Variants in KIAA1671 observed in about 807,000 individuals in gnomAD.
KIAA1671 encodes the protein KIAA1671.
A neutral mutation model predicts 131.2 loss-of-function variants in KIAA1671; 52 were observed. The ratio of observed to expected loss-of-function variants is 0.40; its 90% CI spans 0.32 to 0.50. The LOEUF (loss-of-function observed/expected upper bound fraction) is 0.50. Ranked by LOEUF, KIAA1671 falls within the 20% of genes least tolerant of loss-of-function variation. The pLI is 0.73. For synonymous variants in KIAA1671, 1,003 were observed against 961.6 expected, an observed-to-expected ratio of 1.04 and a Z score of -0.80; for missense variants, 2,360 against 2,364.2, an observed-to-expected ratio of 1.00 and a Z score of 0.04.
chr22:25,146,336 T>TA, intron 6 of KIAA1671, among the ~76,000 whole-genome samples: 1 of 152,330 alleles, frequency 6.6e-6, no homozygotes, highest in South Asian at 2.1e-4. Context: ...CTTTGTAGGA[T>TA]AAGTCGCTCA....
At chr22:25,095,189 G>C (rs1930335863) in intron 6 of KIAA1671, among the ~76,000 whole-genome samples, 1 of 152,180 alleles carries the variant, frequency 6.6e-6, no homozygotes, top group African/African-American at 2.4e-5. Flanking sequence ...CTGTAAAATG[G>C]CAGAGGTACC....
At chr22:25,006,625 T>G (rs1038833693) in intron 1 of KIAA1671, among the ~76,000 whole-genome samples, 18 of 152,200 alleles carry the variant, frequency 1.2e-4, no homozygotes, top group African/African-American at 4.1e-4. Flanking sequence ...CTGTAACAGA[T>G]TCTCACAATT....
rs1206312822 is a variant in KIAA1671 at position 25,039,972 on chromosome 22, C to A, written c.2842C>A (p.Arg948=). The A allele has an allele frequency of 5.2e-6, 8 of 1,550,874 alleles. No individual in the cohort carries two copies. The Admixed American group carries it at 1.2e-4, about 23-fold the overall frequency. The part of the protein sequence containing the change: ...GAMDQRMDRW[R]RRTLPPNVKF... ...CATGGACCAGAGAATGGACAGATGG[C>A]GGCGGCGGACTTTACCCCCCAACGT... The change falls in exon 5 of 13, where the codon CGG becomes AGG. Residue 948 remains arginine (R), a synonymous_variant. Transcript: ENST00000358431.
rs1453742479 is a variant in KIAA1671, at chr22:25,029,512, C to T, written c.1513C>T (p.Arg505Trp). 1.9e-5 allele frequency: 29 copies of T among 1,546,154 alleles called. No homozygotes were observed. Among genetic ancestry groups the T allele is most frequent in the African/African-American group, 1.4e-4 (10 of 73,024 alleles). The change falls in exon 3 of 13, where the codon CGG (arginine) becomes TGG (tryptophan). Residue 505 changes from arginine to tryptophan, a missense_variant. This residue lies in a region of KIAA1671 where 1,185 missense variants were observed against 1,126.2 expected (regional missense o/e 1.05). Coordinates refer to ENST00000358431, the MANE Select transcript of KIAA1671 (RefSeq NM_001145206.2). ...GGTCAGGAGGAGGACGTTCCAGGCTCGGCCGCTGTCGGCGGATTTGACCAA... is the reference window on the plus strand; with the variant it reads ...GGTCAGGAGGAGGACGTTCCAGGCTTGGCCGCTGTCGGCGGATTTGACCAA... ...PEVRRRTFQA[R>W]PLSADLTKLF...
intron 6 of KIAA1671, among the ~76,000 whole-genome samples, chr22:25,097,011 C>T (rs2145889563): frequency 6.6e-6 from 1 of 152,334 alleles, no homozygotes; most frequent in East Asian, 1.9e-4. Context: ...TTCATCCCTT[C>T]TCTTGTTGAC....
chr22:25,021,780 C>T (rs1925680776), intron 1 of KIAA1671, among the ~76,000 whole-genome samples: 1 of 151,944 alleles, frequency 6.6e-6, no homozygotes, highest in Non-Finnish European at 1.5e-5. Context: ...CCAATCCGTT[C>T]CTGGCTCTTT....
At chr22:25,062,181 TG>T (rs1177980153) in intron 6 of KIAA1671, 1 of 152,946 alleles carries the variant, frequency 6.5e-6, no homozygotes, top group Non-Finnish European at 1.5e-5. Context: ...GTCACTGCAC[TG>T]GGCCCATCTC....
At chr22:25,036,248 T>C (rs2079348550) in intron 4 of KIAA1671, among the ~76,000 whole-genome samples, 1 of 151,908 alleles carries the variant, frequency 6.6e-6, no homozygotes, top group Non-Finnish European at 1.5e-5. Flanking sequence ...ACCTGGCTAA[T>C]TTTGTGTTTT....
At chr22:25,175,875 G>A (rs1249665189) in intron 8 of KIAA1671, 1 of 152,254 alleles carries the variant, frequency 6.6e-6, no homozygotes, top group African/African-American at 2.4e-5. Flanking sequence ...TGCGGTTTAT[G>A]TGTGATGCCC....
chr22:25,028,705 C>T lies in KIAA1671; in HGVS notation c.706C>T (p.Pro236Ser). Residue 236 changes from proline to serine, a missense_variant, in exon 3 of 13, where the codon CCT becomes TCT. Physicochemically the swap from Pro to Ser is moderately conservative, Grantham distance 74. Transcript: ENST00000358431. ...DTARPLVEPR[P>S]RLKRRPVSAI... Reference sequence around the variant, plus strand: ...GGCACGCCCCCTTGTGGAGCCCAGGCCTCGCCTGAAGAGAAGGCCCGTGTC... The same window carrying T: ...GGCACGCCCCCTTGTGGAGCCCAGGTCTCGCCTGAAGAGAAGGCCCGTGTC... 6.4e-7 allele frequency: 1 copy of T among 1,551,248 alleles called. No individual in the cohort carries two copies. The highest frequency in any genetic ancestry group is 2.0e-5 in the Admixed American group (1 of 51,014).
intron 6 of KIAA1671, among the ~76,000 whole-genome samples, chr22:25,073,226 C>G (rs1928920949): frequency 6.6e-6 from 1 of 152,048 alleles, no homozygotes; most frequent in African/African-American, 2.4e-5. Context: ...TGCCATCATG[C>G]CCAGCTAATT....
At chr22:25,089,866 C>T (rs1388595438) in intron 6 of KIAA1671, among the ~76,000 whole-genome samples, 10 of 152,026 alleles carry the variant, frequency 6.6e-5, no homozygotes, top group South Asian at 6.3e-4. Flanking sequence ...AATGCCTGGC[C>T]GTGGCCTTTC....
chr22:25,079,937 T>C (rs888768242), intron 6 of KIAA1671, among the ~76,000 whole-genome samples: 3 of 151,910 alleles, frequency 2.0e-5, no homozygotes, highest in African/African-American at 7.3e-5. Context: ...TGGGAGATGA[T>C]GGCCGCTCAG....
intron 6 of KIAA1671, among the ~76,000 whole-genome samples, chr22:25,107,469 CTTTTT>C (rs765558092): frequency 1.5e-5 from 1 of 68,512 alleles, no homozygotes; most frequent in African/African-American, 6.1e-5. Context: ...ATCCATGGCA[CTTTTT>C]TTTTTTTTTT....
At chr22:25,032,909 A>G (rs1216240660) in intron 4 of KIAA1671, among the ~76,000 whole-genome samples, 2 of 152,220 alleles carry the variant, frequency 1.3e-5, no homozygotes, top group African/African-American at 2.4e-5. Flanking sequence ...TGCTGTTTAC[A>G]AATGTTATCA....
intron 6 of KIAA1671, among the ~76,000 whole-genome samples, chr22:25,108,473 A>G (rs1414249464): frequency 1.3e-5 from 2 of 152,148 alleles, no homozygotes; most frequent in Non-Finnish European, 2.9e-5. Context: ...GGAGCTCACT[A>G]TGGGCAATCT....
intron 6 of KIAA1671, among the ~76,000 whole-genome samples, chr22:25,100,972 G>A (rs563725206): frequency 1.3e-5 from 2 of 152,188 alleles, no homozygotes; most frequent in Non-Finnish European, 2.9e-5. Flanking sequence ...GCCAAGTAAA[G>A]CAAACTCACT....
At chr22:24,993,581 AC>A (rs2123850770) in intron 1 of KIAA1671, among the ~76,000 whole-genome samples, 1 of 150,290 alleles carries the variant, frequency 6.7e-6, no homozygotes, top group East Asian at 2.0e-4. Flanking sequence ...TGTTCCCATC[AC>A]CTCCCTTGTC....
At position 25,041,442 on chromosome 22, in the gene KIAA1671, G is replaced by T; in HGVS notation, c.4312G>T (p.Gly1438Trp). Residue 1438 changes from glycine (G) to tryptophan (W), a missense_variant, in exon 5 of 13, where the codon GGG becomes TGG. This residue lies in a region of KIAA1671 where 1,161 missense variants were observed against 1,204.7 expected (regional missense o/e 0.96). Coordinates refer to ENST00000358431, the MANE Select transcript of KIAA1671 (RefSeq NM_001145206.2). ...ARERRREQPK[G>W]RPSLTGENLE... ...AGAGAGGAGGCGAGAGCAGCCCAAA[G>T]GGAGGCCCAGCCTTACTGGAGAGAA... 1 of 1,551,792 alleles carries T rather than the reference G, an allele frequency of 6.4e-7. No individual in the cohort carries two copies.
Sources: allele counts gnomAD v4.1 joint callset (sites outside exome capture counted in the v4.1 genomes callset), GRCh38; gene constraint gnomAD v4.1.1; regional missense constraint gnomAD v4.1.1; transcripts MANE v1.5; gene names NCBI Gene and HGNC (gene_info 2026-07-23, HGNC 2026-07-21).